Variants in ATRNL1 observed in about 807,000 individuals in gnomAD.
The protein encoded by ATRNL1 is attractin like 1, also known as attractin-like protein 1.
A neutral mutation model predicts 182.7 loss-of-function variants in ATRNL1; 95 were observed. The observed-to-expected ratio is 0.52, with a 90% CI of 0.44 to 0.62. ATRNL1 has a LOEUF of 0.62. Among genes scored for constraint, ATRNL1 ranks in the 20% least tolerant of loss-of-function variants. The pLI, the probability that ATRNL1 is intolerant of heterozygous loss-of-function variation, is 0.00. For missense variants in ATRNL1, 1,471 were observed against 1,679.5 expected (o/e 0.88, Z 2.17); for synonymous variants, 576 against 568.3 (o/e 1.01, Z -0.19).
intron 18 of ATRNL1, among the ~76,000 whole-genome samples, chr10:115,316,323 G>A (rs1015238425): frequency 2.0e-5 from 3 of 152,174 alleles, no homozygotes; most frequent in African/African-American, 4.8e-5. Flanking sequence ...ATTCCATGGT[G>A]TATACGAACC....
intron 27 of ATRNL1, among the ~76,000 whole-genome samples, chr10:115,788,366 G>T (rs1043663665): frequency 6.8e-6 from 1 of 147,150 alleles, no homozygotes; most frequent in East Asian, 2.0e-4. Flanking sequence ...TTTCAGATTT[G>T]CCCCCTCTGT....
chr10:115,536,846 G>C (rs1345053257), intron 25 of ATRNL1, among the ~76,000 whole-genome samples: 1 of 152,080 alleles, frequency 6.6e-6, no homozygotes, highest in Non-Finnish European at 1.5e-5. Context: ...GAAGAAAAAA[G>C]GTGAACCTAA....
At chr10:115,491,676 G>A (rs542701146) in intron 24 of ATRNL1, among the ~76,000 whole-genome samples, 1 of 152,172 alleles carries the variant, frequency 6.6e-6, no homozygotes, top group African/African-American at 2.4e-5. Context: ...ATCTTAGCTT[G>A]CTGGGGTCTG....
intron 19 of ATRNL1, among the ~76,000 whole-genome samples, chr10:115,355,062 A>G (rs1276210642): frequency 2.0e-5 from 3 of 151,994 alleles, no homozygotes; most frequent in Admixed American, 6.6e-5. Flanking sequence ...CTTGAAATGC[A>G]TCATGTTTTC....
At chr10:115,820,724 G>A (rs1555090021) in intron 27 of ATRNL1, among the ~76,000 whole-genome samples, 1 of 152,030 alleles carries the variant, frequency 6.6e-6, no homozygotes, top group African/African-American at 2.4e-5. Flanking sequence ...AAGAGTGCAT[G>A]CTCTGAAGTC....
At chr10:115,749,224 C>T (rs1948378305) in intron 27 of ATRNL1, among the ~76,000 whole-genome samples, 1 of 151,832 alleles carries the variant, frequency 6.6e-6, no homozygotes, top group African/African-American at 2.4e-5. Context: ...TCTTTTAATA[C>T]TAATTTTATG....
chr10:115,299,919 G>A, intron 15 of ATRNL1, 115 bp from the exon 16 acceptor site: 1 of 695,128 alleles, frequency 1.4e-6, no homozygotes, highest in Non-Finnish European at 2.4e-6. Flanking sequence ...CATTAGAAAG[G>A]CAGCTTTATA....
chr10:115,483,958 T>C (rs1848895134), intron 24 of ATRNL1, among the ~76,000 whole-genome samples: 1 of 151,638 alleles, frequency 6.6e-6, no homozygotes, highest in Non-Finnish European at 1.5e-5. Context: ...AGAGGGCCAC[T>C]ACTCAAGTGA....
intron 19 of ATRNL1, among the ~76,000 whole-genome samples, chr10:115,362,606 G>C (rs1292933762): frequency 6.6e-6 from 1 of 151,564 alleles, no homozygotes; most frequent in Admixed American, 6.6e-5. Context: ...TGCCATGCTG[G>C]TGTGCTGCAC....
chr10:115,501,653 G>A (rs530337506), intron 24 of ATRNL1, among the ~76,000 whole-genome samples: 1 of 152,286 alleles, frequency 6.6e-6, no homozygotes, highest in South Asian at 2.1e-4. Flanking sequence ...AAATCAGGTA[G>A]AGAGAAACAA....
At chr10:115,141,914 T>C (rs1845767063) in intron 5 of ATRNL1, among the ~76,000 whole-genome samples, 1 of 152,204 alleles carries the variant, frequency 6.6e-6, no homozygotes, top group African/African-American at 2.4e-5. Flanking sequence ...CATTAAAATG[T>C]ATATATGACA....
intron 27 of ATRNL1, among the ~76,000 whole-genome samples, chr10:115,805,247 A>T (rs1949893061): frequency 6.6e-6 from 1 of 152,166 alleles, no homozygotes; most frequent in African/African-American, 2.4e-5. Context: ...AAAAGAGGCC[A>T]TTCGGAGGTT....
intron 8 of ATRNL1, among the ~76,000 whole-genome samples, chr10:115,204,513 C>T (rs2144334063): frequency 6.6e-6 from 1 of 152,134 alleles, no homozygotes; most frequent in Admixed American, 6.5e-5. Context: ...TGAATTCTAT[C>T]AAATGCTTTT....
intron 26 of ATRNL1, among the ~76,000 whole-genome samples, chr10:115,692,907 T>A (rs371734126): frequency 1.5e-3 from 230 of 151,962 alleles, no homozygotes; most frequent in Admixed American, 1.8e-3. Context: ...TAAAGGAGAG[T>A]CCTTGTTTTT....
chr10:115,236,696 G>A (rs1850199605), intron 9 of ATRNL1, among the ~76,000 whole-genome samples: 1 of 151,938 alleles, frequency 6.6e-6, no homozygotes, highest in African/African-American at 2.4e-5. Context: ...TCTATTATGT[G>A]TCTTACGTGA....
At chr10:115,784,803 C>T (rs1297233014) in intron 27 of ATRNL1, among the ~76,000 whole-genome samples, 1 of 152,018 alleles carries the variant, frequency 6.6e-6, no homozygotes, top group East Asian at 1.9e-4. Flanking sequence ...TGGGTTAGAC[C>T]CACCCTAATC....
rs781814517 is a variant in ATRNL1, at chr10:115,127,643, T to C, written c.542T>C (p.Val181Ala). ...GGCAATGAAACTGTGCCTGAAGTTG[T>C]TACTACATCTGGCTATGCACTGTTA... ...IRGNETVPEV[V>A]TTSGYALLHF... Residue 181 changes from valine to alanine, a missense_variant, in exon 4 of 29, where the codon GTT becomes GCT. Val to Ala is a moderately conservative substitution (Grantham distance 64, BLOSUM62 0). Coordinates refer to ENST00000355044, the MANE Select transcript of ATRNL1 (RefSeq NM_207303.4). The C allele has an allele frequency of 1.9e-6, 3 of 1,606,330 alleles. No individual in the cohort carries two copies. Among genetic ancestry groups the C allele is most frequent in the East Asian group, 4.5e-5 (2 of 44,322 alleles).
chr10:115,350,318 G>T (rs1211677285), intron 19 of ATRNL1, among the ~76,000 whole-genome samples: 2 of 98,484 alleles, frequency 2.0e-5, no homozygotes, highest in Non-Finnish European at 3.7e-5. Flanking sequence ...CCTGGTGACA[G>T]AGCAAGACTC....
At chr10:115,304,239 G>C (rs1206966779) in intron 17 of ATRNL1, among the ~76,000 whole-genome samples, 1 of 152,156 alleles carries the variant, frequency 6.6e-6, no homozygotes, top group East Asian at 1.9e-4. Flanking sequence ...CATAGGAGCA[G>C]CCACTGGCAG....
Sources: allele counts gnomAD v4.1 joint callset (sites outside exome capture counted in the v4.1 genomes callset), GRCh38; gene constraint gnomAD v4.1.1; transcripts MANE v1.5; gene names NCBI Gene and HGNC (gene_info 2026-07-23, HGNC 2026-07-21).